Variants in COL4A4 observed in about 807,000 individuals in gnomAD.
COL4A4 encodes collagen type IV alpha 4 chain.
A neutral mutation model predicts 192.9 loss-of-function variants in COL4A4; 105 were observed. The observed-to-expected ratio is 0.54, with a 90% CI of 0.46 to 0.64. COL4A4 has a LOEUF of 0.64. Ranked by LOEUF, COL4A4 falls within the 30% of genes least tolerant of loss-of-function variation. COL4A4 has a pLI of 0.00. For synonymous variants in COL4A4, 762 were observed against 769.9 expected, an observed-to-expected ratio of 0.99 and a Z score of 0.17; for missense variants, 1,967 against 2,169.3, an observed-to-expected ratio of 0.91 and a Z score of 1.85.
chr2:227,106,238 G>A (rs1056201821), intron 12 of COL4A4, among the ~76,000 whole-genome samples: 23 of 152,086 alleles, frequency 1.5e-4, no homozygotes, highest in African/African-American at 5.5e-4. Context: ...CAAAACATGA[G>A]TAAAAGCATA....
chr2:227,052,187 A>C, intron 32 of COL4A4, 118 bp downstream of exon 32: 2 of 684,574 alleles, frequency 2.9e-6, no homozygotes, highest in Non-Finnish European at 2.6e-6. Context: ...GCAAAACTCC[A>C]TCTCAAAAAA....
At chr2:227,018,918 A>G (rs1965452392) in intron 44 of COL4A4, among the ~76,000 whole-genome samples, 1 of 152,216 alleles carries the variant, frequency 6.6e-6, no homozygotes, top group South Asian at 2.1e-4. Flanking sequence ...TGGAGAGAGA[A>G]TCTTGTTCTT....
Position 227,076,302 on chromosome 2 carries a change from A to G in COL4A4, c.1987+1592T>C, listed in dbSNP as rs186550619. On this transcript the variant is annotated intron_variant, in intron 25 of 47. Coordinates refer to ENST00000396625, the MANE Select transcript of COL4A4 (RefSeq NM_000092.5). ...GGTACCAAAGCAGATATACAGGCCA[A>G]TGGAACAGAACAGAGACCTCAGAAA... Among the ~76,000 whole-genome samples, 5 of 152,312 alleles carry G rather than the reference A, an allele frequency of 3.3e-5. No homozygotes were observed. The East Asian group carries it at 5.8e-4, about 18-fold the overall frequency.
chr2:227,101,003 T>C (rs1227421171), intron 17 of COL4A4, among the ~76,000 whole-genome samples: 1 of 152,038 alleles, frequency 6.6e-6, no homozygotes, highest in East Asian at 1.9e-4. Flanking sequence ...AGAGACGGGG[T>C]TTCACTGTGT....
intron 46 of COL4A4, 73 bp downstream of exon 46, chr2:227,010,240 G>A (rs1355005094): frequency 4.1e-6 from 6 of 1,446,464 alleles, no homozygotes; most frequent in Non-Finnish European, 5.8e-6. Flanking sequence ...CATTTAAGGT[G>A]CTGATGAATC....
chr2:227,041,763 GAAGGAAGGAAGGAAGGAAGGAAGGGAAA>G (rs1161277718), intron 37 of COL4A4, among the ~76,000 whole-genome samples: 2 of 119,160 alleles, frequency 1.7e-5, no homozygotes, highest in East Asian at 2.9e-4. Context: ...AGGAAGGAAG[GAAGGAAGGAAGGAAGGAAGGAAGGGAAA>G]GAAAGAAAGA....
chr2:227,085,195 T>C (rs1167005582), intron 22 of COL4A4, among the ~76,000 whole-genome samples: 1 of 151,658 alleles, frequency 6.6e-6, no homozygotes, highest in Non-Finnish European at 1.5e-5. Flanking sequence ...ATATCCTAGT[T>C]GTTCAGTCTA....
intron 20 of COL4A4, among the ~76,000 whole-genome samples, chr2:227,093,825 G>A (rs1205335476): frequency 4.0e-5 from 6 of 151,860 alleles, no homozygotes; most frequent in Non-Finnish European, 4.4e-5. Context: ...TAAACCCACC[G>A]GGCAGTCACA....
chr2:227,022,491 C>A lies in COL4A4; in HGVS notation c.4091-318G>T, dbSNP rs1207688273. 2 of 578,832 alleles carry A rather than the reference C, an allele frequency of 3.5e-6. No homozygotes were observed. Among genetic ancestry groups the A allele is most frequent in the South Asian group, 2.8e-5 (2 of 71,962 alleles). 35.9% of individuals were successfully genotyped at this position (578,832 alleles called of 1,614,324 possible). A position where few individuals can be genotyped will look rare whatever the true frequency, so the allele number is the denominator to read the frequency against. On this transcript the variant is annotated intron_variant, in intron 43 of 47. Coordinates refer to ENST00000396625, the MANE Select transcript of COL4A4 (RefSeq NM_000092.5). Reference sequence around the variant, plus strand: ...TGATGCAGCAACGTGATGACCCTCACAGGATTGCCCAATCTCTGGGCCATT... The same window carrying A: ...TGATGCAGCAACGTGATGACCCTCAAAGGATTGCCCAATCTCTGGGCCATT...
At position 227,108,867 on chromosome 2, in the gene COL4A4, C is replaced by T. The variant is rs760317280; in HGVS notation, c.659G>A (p.Gly220Glu). Residue 220 changes from glycine to glutamate, a missense_variant and splice_region_variant, in exon 11 of 48, where the codon GGA (glycine) becomes GAA (glutamate). Transcript: ENST00000396625. The stretch of plus-strand genomic sequence containing the variant: ...TGGACGCCCTGGTTGGCCCGGAGGT[C>T]CCTAAATCAAGGGAGAAAAAAACAC... ...TGYPGEPGLVGPPGQPGRPGL... is the reference protein window; with the variant it reads ...TGYPGEPGLVEPPGQPGRPGL... The T allele has an allele frequency of 3.1e-6, 5 of 1,611,358 alleles. No homozygotes were observed. The African/African-American group carries it at 4.0e-5, about 13-fold the overall frequency.
chr2:227,010,306 T>A lies in COL4A4; in HGVS notation c.4522+7A>T. 6.2e-7 allele frequency: 1 copy of A among 1,614,224 alleles called. No individual in the cohort carries two copies. Among genetic ancestry groups the A allele is most frequent in the Non-Finnish European group, 8.5e-7 (1 of 1,180,024 alleles). On this transcript the variant is annotated splice_region_variant and intron_variant, in intron 46 of 47. Transcript: ENST00000396625. ...GGCAATGGAGATGGGCGATCCTGTA[T>A]CCATACCAAGGTCTTGATTGTGAGC... is the stretch of plus-strand genomic sequence containing the variant.
intron 40 of COL4A4, among the ~76,000 whole-genome samples, chr2:227,030,844 C>G (rs1351351252): frequency 1.3e-5 from 2 of 152,168 alleles, no homozygotes; most frequent in African/African-American, 4.8e-5. Flanking sequence ...AACCTTCCTT[C>G]CCTTCAAAGT....
At chr2:227,015,064 A>G (rs1390861588) in intron 44 of COL4A4, among the ~76,000 whole-genome samples, 1 of 151,802 alleles carries the variant, frequency 6.6e-6, no homozygotes, top group Non-Finnish European at 1.5e-5. Context: ...AAGCCCAGCT[A>G]ATTTTTTTGT....
intron 43 of COL4A4, among the ~76,000 whole-genome samples, chr2:227,023,157 C>G (rs1186992074): frequency 6.6e-6 from 1 of 151,996 alleles, no homozygotes; most frequent in African/African-American, 2.4e-5. Context: ...TTGAAAAACA[C>G]AGGCTGGGCA....
the COL4A4 span, among the ~76,000 whole-genome samples, chr2:226,980,444 G>T: frequency 6.6e-6 from 1 of 152,112 alleles, no homozygotes; most frequent in Admixed American, 6.5e-5. Context: ...GTGGTTCTGT[G>T]CCTCTTAGCT....
intron 37 of COL4A4, among the ~76,000 whole-genome samples, chr2:227,041,413 G>T (rs1970792053): frequency 1.3e-5 from 2 of 151,924 alleles, no homozygotes; most frequent in African/African-American, 4.8e-5. Flanking sequence ...GCCGAGGCGG[G>T]TGGATCATTT....
the COL4A4 span, among the ~76,000 whole-genome samples, chr2:226,968,638 T>G: frequency 3.3e-5 from 5 of 152,218 alleles, no homozygotes; most frequent in African/African-American, 1.2e-4. Context: ...ACTTGGAGAT[T>G]GAATGTTTGC....
intron 23 of COL4A4, 57 bp downstream of exon 23, chr2:227,082,058 G>T: frequency 1.5e-6 from 2 of 1,366,574 alleles, no homozygotes; most frequent in Non-Finnish European, 2.1e-6. Flanking sequence ...ACTGCAAGAG[G>T]AGGGTCCATA....
At chr2:227,113,009 C>T (rs1317574814) in intron 8 of COL4A4, among the ~76,000 whole-genome samples, 1 of 152,160 alleles carries the variant, frequency 6.6e-6, no homozygotes, top group Non-Finnish European at 1.5e-5. Flanking sequence ...GTGAATAAAG[C>T]TGCTATGAAC....
Sources: allele counts gnomAD v4.1 joint callset (sites outside exome capture counted in the v4.1 genomes callset), GRCh38; gene constraint gnomAD v4.1.1; transcripts MANE v1.5; gene names NCBI Gene and HGNC (gene_info 2026-07-23, HGNC 2026-07-21).